KRT5: variants seen among roughly 807,000 people sequenced by gnomAD.
KRT5 encodes the protein keratin 5, also known as keratin, type II cytoskeletal 5.
KRT5 carries 17 observed loss-of-function variants against 44.0 expected under a neutral mutation model. The ratio of observed to expected loss-of-function variants is 0.39; its 90% CI spans 0.26 to 0.58. The LOEUF (loss-of-function observed/expected upper bound fraction) is 0.58, where lower values mean the gene tolerates loss of function less well. KRT5 is among the 20% of genes least tolerant of loss of function. KRT5 has a pLI of 0.61. For missense variants in KRT5, 737 were observed against 785.5 expected (o/e 0.94, Z 0.74); for synonymous variants, 329 against 312.8 (o/e 1.05, Z -0.55).
Position 52,517,205 on chromosome 12 carries a change from G to A in KRT5, c.1120C>T (p.Arg374Trp), listed in dbSNP as rs758181003. 4.0e-5 allele frequency: 65 copies of A among 1,613,840 alleles called. No individual in the cohort carries two copies. The highest frequency in any genetic ancestry group is 5.2e-5 in the Non-Finnish European group (61 of 1,179,976). Residue 374 changes from arginine (R) to tryptophan (W), a missense_variant, in exon 6 of 9, where the codon CGG (arginine) becomes TGG (tryptophan). By Grantham distance (101) the Arg-to-Trp change is moderately radical (BLOSUM62 -3). Around this residue, in one of 5 missense-constraint regions of KRT5, gnomAD observed 344 missense variants for 351.6 expected, o/e 0.98. Coordinates refer to ENST00000252242, the MANE Select transcript of KRT5 (RefSeq NM_000424.4). The part of the protein sequence containing the change: ...KYEELQQTAG[R>W]HGDDLRNTKH... ...GTGTTGCGGAGGTCATCGCCATGCC[G>A]GCCAGCTGTCTGCTGCAGCTCCTCA...
intron 2 of KRT5, among the ~76,000 whole-genome samples, 159 bp downstream of exon 2, chr12:52,518,787 G>C (rs548423593): frequency 6.6e-6 from 1 of 152,324 alleles, no homozygotes; most frequent in African/African-American, 2.4e-5. Context: ...ACATGAGCCT[G>C]GCTTGTGTAT....
In KRT5 at chr12:52,517,019, T is replaced by A. The variant is rs140376577; in HGVS notation, c.1218+88A>T. On this transcript the variant is annotated intron_variant, in intron 6 of 8. Transcript: ENST00000252242. The stretch of plus-strand genomic sequence containing the variant: ...CTGGTACTGGATCTAGCTGCGTGTG[T>A]TTAGCAAAAGTAAAACAAAATAAAA... 46 of 1,571,446 alleles carry A rather than the reference T, an allele frequency of 2.9e-5. No individual in the cohort carries two copies. In the East Asian group the frequency reaches 8.5e-4, roughly 29 times the overall value.
chr12:52,520,030 A>G lies in KRT5; in HGVS notation c.267T>C (p.Ala89=). ...CAAAGCCATAGCCGCCTCCAGCACC[A>G]GCACCAAACCGGTTCCTGAAGCTGC... is the stretch of plus-strand genomic sequence containing the variant. The part of the protein sequence containing the change: ...SGGSFRNRFG[A]GAGGGYGFGG... The change falls in exon 1 of 9, where the codon GCT becomes GCC. Residue 89 remains alanine, a synonymous_variant. Coordinates refer to ENST00000252242, the MANE Select transcript of KRT5 (RefSeq NM_000424.4). 6.2e-7 allele frequency: 1 copy of G among 1,614,026 alleles called. No homozygotes were observed. Among genetic ancestry groups the G allele is most frequent in the Non-Finnish European group, 8.5e-7 (1 of 1,180,006 alleles).
At chr12:52,516,556 G>C (rs975016566) in intron 7 of KRT5, 81 bp downstream of exon 7, 4 of 1,279,902 alleles carry the variant, frequency 3.1e-6, no homozygotes, top group Middle Eastern at 2.3e-4. Flanking sequence ...CTGATCTCAT[G>C]TATGTGTGTT....
At chr12:52,516,082 T>C in intron 7 of KRT5, 1 of 580,274 alleles carries the variant, frequency 1.7e-6, no homozygotes, top group Non-Finnish European at 3.1e-6. Flanking sequence ...ATGGGGAAAG[T>C]ATAAGAGATT....
chr12:52,519,624 A>T, intron 1 of KRT5, 118 bp downstream of exon 1: 1 of 1,125,266 alleles, frequency 8.9e-7, no homozygotes, highest in South Asian at 1.2e-5. Flanking sequence ...ACAAACGGAA[A>T]CACAGAACTG....
At chr12:52,517,804 A>G (rs764716641) in intron 4 of KRT5, 50 bp from the exon 5 acceptor site, 23 of 1,612,226 alleles carry the variant, frequency 1.4e-5, no homozygotes, top group Non-Finnish European at 1.9e-5. Flanking sequence ...GTGTTATTTA[A>G]TGTCAGTTCC....
At chr12:52,516,592 G>A (rs543988182) in intron 7 of KRT5, 45 bp downstream of exon 7, 29 of 1,579,990 alleles carry the variant, frequency 1.8e-5, no homozygotes, top group African/African-American at 4.0e-5. Context: ...GAGCAGCTTC[G>A]CTTTATCAGC....
chr12:52,515,204 CTGCCAT>C lies in KRT5; in HGVS notation c.1505_1510del (p.Tyr502_Ser504delinsCys), dbSNP rs1565592202. The stretch of plus-strand genomic sequence containing the variant: ...GAGGCCACCGCCATAGCCACTGCCA[CTGCCAT>C]ATCCAGAGGAAACACTGCTTGTGAC... On this transcript the variant is annotated inframe_deletion, in exon 9 of 9. Coordinates refer to ENST00000252242, the MANE Select transcript of KRT5 (RefSeq NM_000424.4). 1.2e-6 allele frequency: 2 copies of C among 1,610,576 alleles called. No homozygotes were observed. The highest frequency in any genetic ancestry group is 1.3e-5 in the African/African-American group (1 of 74,868).
intron 8 of KRT5, chr12:52,515,453 T>C: frequency 1.5e-6 from 1 of 675,302 alleles, no homozygotes; most frequent in Non-Finnish European, 2.6e-6. Context: ...AGCTAGGTAC[T>C]GAGGGGAGCT....
intron 8 of KRT5, 36 bp downstream of exon 8, chr12:52,515,762 T>C (rs749841907): frequency 6.4e-7 from 1 of 1,551,966 alleles, no homozygotes; most frequent in South Asian, 1.1e-5. Context: ...TATCCCATAT[T>C]ATTGTCGTTG....
At chr12:52,518,379 A>C in intron 2 of KRT5, 1 of 673,928 alleles carries the variant, frequency 1.5e-6, no homozygotes, top group Non-Finnish European at 2.7e-6. Flanking sequence ...TAATAATTCT[A>C]TTATTGCTCT....
Position 52,514,824 on chromosome 12 carries a change from GC to G in KRT5, c.*117del, listed in dbSNP as rs1938577354. The G allele has an allele frequency of 2.3e-6, 2 of 864,184 alleles. No individual in the cohort carries two copies. 53.5% of individuals were successfully genotyped at this position (864,184 alleles called of 1,614,324 possible). On this transcript the variant is annotated 3_prime_UTR_variant, in exon 9 of 9. Coordinates refer to ENST00000252242, the MANE Select transcript of KRT5 (RefSeq NM_000424.4). ...ACCAAAGAATGTGGTTCTGCAATTG[GC>G]TTGGTCTAGACTACTCTCCAGAAAA... is the stretch of plus-strand genomic sequence containing the variant.
At chr12:52,518,810 T>A in intron 2 of KRT5, 136 bp downstream of exon 2, 1 of 1,061,112 alleles carries the variant, frequency 9.4e-7, no homozygotes, top group East Asian at 2.4e-5. Flanking sequence ...GTTTGTTTGT[T>A]TTAGTACTGG....
In KRT5 at chr12:52,516,560, G is replaced by C. The variant is rs559931389; in HGVS notation, c.1439+77C>G. On this transcript the variant is annotated intron_variant, in intron 7 of 8. Transcript: ENST00000252242. ...CGCACAAGTCACTGATCTCATGTAT[G>C]TGTGTTGTACACCCCACAGTAGAGC... The C allele has an allele frequency of 1.5e-3, 1,938 of 1,311,812 alleles. 1 individual carries two copies. The highest frequency in any genetic ancestry group is 2.0e-3 in the Non-Finnish European group (1,806 of 905,734). 81.3% of individuals were successfully genotyped at this position (1,311,812 alleles called of 1,614,324 possible).
intron 4 of KRT5, 48 bp downstream of exon 4, chr12:52,517,849 T>C (rs1482118062): frequency 9.9e-6 from 16 of 1,609,850 alleles, no homozygotes; most frequent in Middle Eastern, 3.3e-4. Flanking sequence ...TATGACAACT[T>C]GAGGAAAAAA....
At chr12:52,519,542 T>C (rs2120488213) in intron 1 of KRT5, 200 bp downstream of exon 1, 2 of 685,924 alleles carry the variant, frequency 2.9e-6, no homozygotes, top group South Asian at 3.5e-5. Flanking sequence ...AACCTCTGAA[T>C]GGGAAGAAAT....
At position 52,519,945 on chromosome 12, in the gene KRT5, C is replaced by A; in HGVS notation, c.352G>T (p.Gly118Cys). The change falls in exon 1 of 9, where the codon GGT (glycine) becomes TGT (cysteine). Residue 118 changes from glycine to cysteine, a missense_variant. This residue lies in a region of KRT5 where 326 missense variants were observed against 333.1 expected (regional missense o/e 0.98). Transcript: ENST00000252242. Reference protein sequence around the residue: ...GGGAGGGFGLGGGAGFGGGFG... With the variant: ...GGGAGGGFGLCGGAGFGGGFG... ...CCACCTCCAAAGCCAGCTCCGCCACCGAGCCCAAAGCCACCACCAGCTCCA... is the reference window on the plus strand; with the variant it reads ...CCACCTCCAAAGCCAGCTCCGCCACAGAGCCCAAAGCCACCACCAGCTCCA... 6.2e-7 allele frequency: 1 copy of A among 1,612,750 alleles called. No homozygotes were observed. Among genetic ancestry groups the A allele is most frequent in the African/African-American group, 1.3e-5 (1 of 74,922 alleles).
At chr12:52,516,483 G>A in intron 7 of KRT5, 154 bp downstream of exon 7, 2 of 797,142 alleles carry the variant, frequency 2.5e-6, no homozygotes, top group Non-Finnish European at 4.2e-6. Flanking sequence ...GTTGAGGTCA[G>A]CTATATGGCC....
Sources: gnomAD v4.1 joint callset for allele counts (sites outside exome capture counted in the v4.1 genomes callset) on GRCh38, gnomAD v4.1.1 for gene constraint, gnomAD v4.1.1 regional missense constraint, MANE v1.5 for transcripts, NCBI Gene and HGNC (gene_info 2026-07-23, HGNC 2026-07-21) for gene names.